EPB41L3: variants seen among roughly 807,000 people sequenced by gnomAD.
EPB41L3 encodes the protein erythrocyte membrane protein band 4.1 like 3, also known as band 4.1-like protein 3.
Under a neutral mutation model 127.1 loss-of-function variants are expected in EPB41L3, and 57 were observed. That is an observed-to-expected ratio of 0.45 (90% CI 0.36 to 0.56). The LOEUF (loss-of-function observed/expected upper bound fraction) is 0.56, where lower values mean the gene tolerates loss of function less well. Ranked by LOEUF, EPB41L3 falls within the 20% of genes least tolerant of loss-of-function variation. The probability of loss-of-function intolerance (pLI) is 0.00; values close to 1 mark genes in which losing one functional copy is unlikely to be tolerated. For missense variants in EPB41L3, 1,273 were observed against 1,372.2 expected (o/e 0.93, Z 1.14); for synonymous variants, 572 against 549.5 (o/e 1.04, Z -0.57).
chr18:5,407,399 A>G, intron 15 of EPB41L3: 1 of 435,666 alleles, frequency 2.3e-6, no homozygotes, highest in Non-Finnish European at 4.0e-6. Flanking sequence ...AAGAAAAACA[A>G]CACACACAGA....
In EPB41L3 at chr18:5,413,383, G is replaced by GAA. The variant is rs572456118; in HGVS notation, c.2067+2433_2067+2434dup. 9.9e-4 allele frequency among the ~76,000 whole-genome samples: 151 copies of GAA among 152,272 alleles called. 1 individual carries two copies. The highest frequency in any genetic ancestry group is 3.5e-3 in the African/African-American group (147 of 41,558). ...TGACTGGTCAACAGCTTTATAATGTGAAATATTGAAGCCTTTTTATACTGG... is the reference window on the plus strand; with the variant it reads ...TGACTGGTCAACAGCTTTATAATGTGAAAAATATTGAAGCCTTTTTATACTGG... On this transcript the variant is annotated intron_variant, in intron 13 of 22. Transcript: ENST00000341928.
At chr18:5,576,609 C>A (rs540850331) in intron 3 of EPB41L3, among the ~76,000 whole-genome samples, 1 of 152,182 alleles carries the variant, frequency 6.6e-6, no homozygotes, top group Non-Finnish European at 1.5e-5. Flanking sequence ...CAAGGATCAA[C>A]AGAAGACAGG....
intron 3 of EPB41L3, among the ~76,000 whole-genome samples, chr18:5,562,716 A>AT (rs2149215627): frequency 6.6e-6 from 1 of 152,304 alleles, no homozygotes; most frequent in African/African-American, 2.4e-5. Context: ...AACAGCCTGT[A>AT]TGTGACAGCC....
chr18:5,606,595 T>C (rs1230927006), intron 3 of EPB41L3, among the ~76,000 whole-genome samples: 1 of 152,202 alleles, frequency 6.6e-6, no homozygotes, highest in African/African-American at 2.4e-5. Context: ...ATTTATTTGG[T>C]GGTCATAACT....
intron 3 of EPB41L3, chr18:5,577,424 T>C (rs1453097531): frequency 2.4e-6 from 1 of 421,576 alleles, no homozygotes; most frequent in African/African-American, 2.1e-5. Context: ...TAGCATTGAC[T>C]CTCCGGCTTC....
intron 1 of EPB41L3, among the ~76,000 whole-genome samples, chr18:5,542,749 T>C (rs1024765016): frequency 2.6e-5 from 4 of 152,090 alleles, no homozygotes; most frequent in African/African-American, 7.2e-5. Context: ...AGATCCGTAA[T>C]ATAAAAAGAA....
intron 1 of EPB41L3, among the ~76,000 whole-genome samples, chr18:5,623,848 G>A (rs1181631369): frequency 3.3e-5 from 5 of 151,786 alleles, no homozygotes; most frequent in Non-Finnish European, 7.4e-5. Flanking sequence ...GGGGAGTCAG[G>A]GTTTCACCAT....
intron 3 of EPB41L3, chr18:5,463,895 A>G (rs762121623): frequency 2.0e-5 from 3 of 152,244 alleles, no homozygotes; most frequent in Non-Finnish European, 2.9e-5. Flanking sequence ...GTTTTAGGCC[A>G]CTATGTTTAC....
In EPB41L3 at chr18:5,398,121, T is replaced by C. The variant is rs1307479681; in HGVS notation, c.2372A>G (p.Lys791Arg). ...GAAGATTTCAGAGCCATCCATGAGC[T>C]TTTCCCCAGAAGACTGCTTAGTCTG... ...PEETKQSSGE[K>R]LMDGSEIFSL... The change falls in exon 17 of 23, where the codon AAG (lysine) becomes AGG (arginine). Residue 791 changes from lysine (K) to arginine (R), a missense_variant. Coordinates refer to ENST00000341928, the MANE Select transcript of EPB41L3 (RefSeq NM_012307.5). The C allele has an allele frequency of 1.2e-6, 2 of 1,614,046 alleles. No individual in the cohort carries two copies. The highest frequency in any genetic ancestry group is 2.2e-5 in the East Asian group (1 of 44,862).
rs1233030663 is a variant in EPB41L3, at chr18:5,563,487, T to C, written c.-306+48853A>G. Among the ~76,000 whole-genome samples the C allele has an allele frequency of 2.0e-5, 3 of 152,180 alleles. No individual in the cohort carries two copies. In the East Asian group the frequency reaches 5.8e-4, roughly 29 times the overall value. On this transcript the variant is annotated intron_variant, in intron 3 of 21. Coordinates refer to the EPB41L3 transcript ENST00000545076. ...TTATTATCATTATTATATGAATAAA[T>C]TATTCTTAGGGCAATAATAGTAGAG...
chr18:5,576,127 T>C (rs2094334601), intron 3 of EPB41L3, among the ~76,000 whole-genome samples: 1 of 152,230 alleles, frequency 6.6e-6, no homozygotes, highest in Non-Finnish European at 1.5e-5. Flanking sequence ...ATTTCCATTA[T>C]GGAAAGTAAT....
intron 1 of EPB41L3, among the ~76,000 whole-genome samples, chr18:5,618,379 G>A (rs1023850159): frequency 6.6e-6 from 1 of 152,142 alleles, no homozygotes; most frequent in Non-Finnish European, 1.5e-5. Context: ...CCCAAAATAT[G>A]AGATAAACAT....
chr18:5,474,174 T>G (rs1314124698), intron 3 of EPB41L3, among the ~76,000 whole-genome samples: 1 of 150,770 alleles, frequency 6.6e-6, no homozygotes, highest in Non-Finnish European at 1.5e-5. Flanking sequence ...GAGCTTGCAG[T>G]GAGCCGAGAT....
Position 5,395,096 on chromosome 18 carries a change from T to C in EPB41L3, c.3124A>G (p.Thr1042Ala). 1 of 1,614,140 alleles carries C rather than the reference T, an allele frequency of 6.2e-7. No individual in the cohort carries two copies. Among genetic ancestry groups the C allele is most frequent in the Non-Finnish European group, 8.5e-7 (1 of 1,180,002 alleles). Residue 1042 changes from threonine (T) to alanine (A), a missense_variant, in exon 21 of 23, where the codon ACG (threonine) becomes GCG (alanine). This residue lies in a region of EPB41L3 where 765 missense variants were observed against 782.9 expected (regional missense o/e 0.98). Coordinates refer to ENST00000341928, the MANE Select transcript of EPB41L3 (RefSeq NM_012307.5). Reference protein sequence around the residue: ...ETRIEKRIVITGDADIDHDQA... With the variant: ...ETRIEKRIVIAGDADIDHDQA... ...TCATGGTCAATGTCTGCATCCCCCG[T>C]GATGACTATTCGCTTCTCAATTCTT...
At chr18:5,471,647 A>C (rs9962118) in intron 3 of EPB41L3, among the ~76,000 whole-genome samples, 48,292 of 152,060 alleles carry the variant, frequency 0.32, 7,732 homozygotes, top group South Asian at 0.37. Context: ...GAAACAGGCA[A>C]GACGATGGAG....
chr18:5,413,255 C>T (rs2076414034), intron 13 of EPB41L3, among the ~76,000 whole-genome samples: 1 of 152,036 alleles, frequency 6.6e-6, no homozygotes, highest in South Asian at 2.1e-4. Context: ...CATGTAATTG[C>T]ATTTTATGGT....
intron 1 of EPB41L3, among the ~76,000 whole-genome samples, chr18:5,617,553 C>T (rs1000046498): frequency 2.6e-5 from 4 of 152,224 alleles, no homozygotes; most frequent in South Asian, 2.1e-4. Context: ...CTCCTGACCT[C>T]GCGATCCGCC....
At chr18:5,473,063 G>A (rs535495113) in intron 3 of EPB41L3, among the ~76,000 whole-genome samples, 113 of 152,044 alleles carry the variant, frequency 7.4e-4, no homozygotes, top group South Asian at 1.2e-3. Context: ...CAGGCCACTA[G>A]ACAAGCTCTA....
intron 3 of EPB41L3, among the ~76,000 whole-genome samples, chr18:5,445,621 AC>A (rs2081359853): frequency 6.6e-6 from 1 of 152,160 alleles, no homozygotes; most frequent in African/African-American, 2.4e-5. Context: ...TAACAAACCA[AC>A]AAAAGCCATA....
Sources: gnomAD v4.1 joint callset for allele counts (sites outside exome capture counted in the v4.1 genomes callset) on GRCh38, gnomAD v4.1.1 for gene constraint, gnomAD v4.1.1 regional missense constraint, MANE v1.5 for transcripts, NCBI Gene and HGNC (gene_info 2026-07-23, HGNC 2026-07-21) for gene names.